OSBPL10: variants seen among roughly 807,000 people sequenced by gnomAD.
OSBPL10 encodes the protein oxysterol-binding protein-related protein 10.
Under a neutral mutation model 81.7 loss-of-function variants are expected in OSBPL10, and 49 were observed. That is an observed-to-expected ratio of 0.60 (90% CI 0.48 to 0.76). OSBPL10 has a LOEUF of 0.76. Ranked by LOEUF, OSBPL10 falls within the 30% of genes least tolerant of loss-of-function variation. OSBPL10 has a pLI of 0.00. For synonymous variants in OSBPL10, 419 were observed against 383.6 expected (o/e 1.09, Z -1.08); for missense variants, 923 against 987.8 (o/e 0.93, Z 0.88).
chr3:32,066,956 C>T (rs968508714), intron 1 of OSBPL10, among the ~76,000 whole-genome samples: 1 of 152,138 alleles, frequency 6.6e-6, no homozygotes, highest in African/African-American at 2.4e-5. Flanking sequence ...TAGCCAAATT[C>T]CCAAATGGGC....
chr3:31,963,616 A>T (rs1698231412), intron 1 of OSBPL10, among the ~76,000 whole-genome samples: 1 of 152,156 alleles, frequency 6.6e-6, no homozygotes. Context: ...TGCTATCCAT[A>T]GGACATTTCG....
intron 1 of OSBPL10, among the ~76,000 whole-genome samples, chr3:31,953,203 G>T (rs1017754809): frequency 2.0e-5 from 3 of 152,016 alleles, no homozygotes; most frequent in African/African-American, 7.3e-5. Flanking sequence ...AAAGTGCTGA[G>T]ATTACAGGCG....
chr3:31,993,503 C>T (rs146556707), intron 2 of OSBPL10, among the ~76,000 whole-genome samples: 1 of 152,256 alleles, frequency 6.6e-6, no homozygotes, highest in Non-Finnish European at 1.5e-5. Flanking sequence ...CCACCGCGCC[C>T]AGACAAGAAA....
At chr3:31,918,476 G>A (rs1379458922) in intron 1 of OSBPL10, among the ~76,000 whole-genome samples, 1 of 151,902 alleles carries the variant, frequency 6.6e-6, no homozygotes, top group Non-Finnish European at 1.5e-5. Flanking sequence ...ACCATGCCTG[G>A]CTCCAGAGCA....
intron 5 of OSBPL10, among the ~76,000 whole-genome samples, chr3:31,733,719 T>C (rs3934657): frequency 0.11 from 13,506 of 120,704 alleles, 1,265 homozygotes; most frequent in African/African-American, 0.28. Flanking sequence ...TTTGAACTTT[T>C]AAAAATATTT....
chr3:31,792,359 G>C (rs942130915), intron 4 of OSBPL10, among the ~76,000 whole-genome samples: 94 of 152,232 alleles, frequency 6.2e-4, no homozygotes, highest in African/African-American at 2.0e-3. Context: ...TAATTATCGA[G>C]TTGTAAAAAA....
At chr3:31,732,517 G>A (rs1047183833) in intron 6 of OSBPL10, 1 of 152,140 alleles carries the variant, frequency 6.6e-6, no homozygotes, top group African/African-American at 2.4e-5. Flanking sequence ...CAGTTCAAGA[G>A]ACTATATCAA....
chr3:31,687,152 G>A (rs2125556643), intron 7 of OSBPL10, among the ~76,000 whole-genome samples: 1 of 152,286 alleles, frequency 6.6e-6, no homozygotes, highest in Middle Eastern at 3.4e-3. Context: ...AAGGGGCCCT[G>A]TGATCAGAAG....
chr3:31,664,095 T>C lies in OSBPL10; in HGVS notation c.2234A>G (p.Lys745Arg), dbSNP rs367862538. ...CAGAGTTACCTCCTGGATAAAATATTTGGGCTTCCATGGTGTGCGGAGGTT... is the reference window on the plus strand; with the variant it reads ...CAGAGTTACCTCCTGGATAAAATATCTGGGCTTCCATGGTGTGCGGAGGTT... ...RENLRTPWKP[K>R]YFIQEGDGWV... Residue 745 changes from lysine (K) to arginine (R), a missense_variant, in exon 11 of 12, where the codon AAA (lysine) becomes AGA (arginine). Coordinates refer to ENST00000396556, the MANE Select transcript of OSBPL10 (RefSeq NM_017784.5). 17 of 1,613,944 alleles carry C rather than the reference T, an allele frequency of 1.1e-5. No individual in the cohort carries two copies. The highest frequency in any genetic ancestry group is 1.4e-5 in the Non-Finnish European group (16 of 1,180,020).
At chr3:31,847,066 A>C (rs1700651862) in intron 3 of OSBPL10, among the ~76,000 whole-genome samples, 1 of 152,012 alleles carries the variant, frequency 6.6e-6, no homozygotes, top group African/African-American at 2.4e-5. Flanking sequence ...ATTATCCATA[A>C]AGGGCTGTCA....
intron 2 of OSBPL10, among the ~76,000 whole-genome samples, chr3:32,015,574 G>C (rs1375120636): frequency 2.6e-5 from 4 of 152,116 alleles, no homozygotes; most frequent in African/African-American, 4.8e-5. Flanking sequence ...CAAAAGCAAT[G>C]GCAACAAAAG....
chr3:31,989,649 A>T (rs1299160200), intron 2 of OSBPL10: 2 of 1,614,040 alleles, frequency 1.2e-6, no homozygotes, highest in African/African-American at 2.7e-5. Flanking sequence ...CCTCAGTTCT[A>T]ACGTCCCAAA....
chr3:31,980,761 C>A, intron 1 of OSBPL10, 138 bp downstream of exon 1: 1 of 1,151,846 alleles, frequency 8.7e-7, no homozygotes, highest in Non-Finnish European at 1.1e-6. Flanking sequence ...GGAAGGGCAC[C>A]GTTGGGAGGC....
chr3:32,010,085 A>C (rs1699239147), intron 2 of OSBPL10, among the ~76,000 whole-genome samples: 1 of 152,150 alleles, frequency 6.6e-6, no homozygotes, highest in Admixed American at 6.6e-5. Flanking sequence ...GTATTCTCAT[A>C]AGAAGAGTCA....
At chr3:32,040,891 A>G (rs1422724349) in intron 2 of OSBPL10, among the ~76,000 whole-genome samples, 2 of 152,186 alleles carry the variant, frequency 1.3e-5, no homozygotes, top group Non-Finnish European at 2.9e-5. Flanking sequence ...AAGAACTGAG[A>G]TGACCTTACA....
chr3:31,754,430 G>T (rs6805494), intron 4 of OSBPL10, among the ~76,000 whole-genome samples: 1 of 151,996 alleles, frequency 6.6e-6, no homozygotes, highest in Admixed American at 6.6e-5. Context: ...CCAGTGGAGA[G>T]AGGGTGCTGG....
chr3:31,668,608 T>A, intron 10 of OSBPL10, 34 bp downstream of exon 10: 1 of 1,556,128 alleles, frequency 6.4e-7, no homozygotes, highest in Non-Finnish European at 8.7e-7. Context: ...CCAGCATGAC[T>A]AAGCTGGAGA....
chr3:31,796,667 T>C (rs1699220798), intron 4 of OSBPL10, among the ~76,000 whole-genome samples: 1 of 152,218 alleles, frequency 6.6e-6, no homozygotes, highest in Non-Finnish European at 1.5e-5. Flanking sequence ...TTTAGCAGCA[T>C]CCACGGCCTC....
intron 6 of OSBPL10, among the ~76,000 whole-genome samples, chr3:31,706,646 T>C (rs1239001048): frequency 5.3e-5 from 8 of 152,304 alleles, no homozygotes; most frequent in African/African-American, 1.9e-4. Context: ...GTCTTCTCAA[T>C]GGGAACATCA....
Sources: gnomAD v4.1 joint callset for allele counts (sites outside exome capture counted in the v4.1 genomes callset) on GRCh38, gnomAD v4.1.1 for gene constraint, MANE v1.5 for transcripts, NCBI Gene and HGNC (gene_info 2026-07-23, HGNC 2026-07-21) for gene names.